ZNF25: variants seen among roughly 807,000 people sequenced by gnomAD.
ZNF25 encodes zinc finger protein 25 (KOX 19).
ZNF25 carries 21 observed loss-of-function variants against 30.9 expected under a neutral mutation model. The observed-to-expected ratio is 0.68, with a 90% confidence interval of 0.48 to 0.98. The LOEUF is 0.98. ZNF25 is among the 50% of genes least tolerant of loss of function. The probability of loss-of-function intolerance (pLI) is 0.00; values close to 1 mark genes in which losing one functional copy is unlikely to be tolerated. For synonymous variants in ZNF25, 169 were observed against 181.3 expected, an observed-to-expected ratio of 0.93 and a Z score of 0.55; for missense variants, 501 against 529.9, an observed-to-expected ratio of 0.95 and a Z score of 0.54.
chr10:37,955,655 CTGT>C (rs2062469456), intron 4 of ZNF25, among the ~76,000 whole-genome samples: 1 of 152,054 alleles, frequency 6.6e-6, no homozygotes, highest in Non-Finnish European at 1.5e-5. Flanking sequence ...TAGAAAGTGT[CTGT>C]TGTTAATTAT....
intron 2 of ZNF25, among the ~76,000 whole-genome samples, chr10:37,968,357 ATTT>A (rs34698067): frequency 7.2e-6 from 1 of 139,756 alleles, no homozygotes; most frequent in Non-Finnish European, 1.6e-5. Flanking sequence ...CACCCGGCCA[ATTT>A]TTTTTTTTTT....
intron 2 of ZNF25, among the ~76,000 whole-genome samples, chr10:37,963,491 A>C (rs1201208111): frequency 6.6e-6 from 1 of 152,154 alleles, no homozygotes; most frequent in East Asian, 1.9e-4. Flanking sequence ...CTTTTTTCTT[A>C]CTGGCCTACT....
chr10:37,971,315 CAA>C lies in ZNF25; in HGVS notation c.15+391_15+392del, dbSNP rs35376573. On this transcript the variant is annotated intron_variant, in intron 2 of 5. Transcript: ENST00000302609. ...TGGGCAACAGAGCGAGACTCCATCT[CAA>C]AAAAAAAAAAAAAAATTCACATTTG... Among the ~76,000 whole-genome samples, 460 of 133,428 alleles carry C rather than the reference CAA, an allele frequency of 3.4e-3. 10 individuals carry two copies. The highest frequency in any genetic ancestry group is 3.9e-3 in the Middle Eastern group (1 of 254). The allele number at this position is 133,428 out of a possible 152,430, so 87.5% of individuals were successfully genotyped here.
At chr10:37,969,700 C>A (rs1389168572) in intron 2 of ZNF25, among the ~76,000 whole-genome samples, 1 of 152,140 alleles carries the variant, frequency 6.6e-6, no homozygotes, top group African/African-American at 2.4e-5. Flanking sequence ...GGTGGTGTTA[C>A]ACAATACTGT....
At chr10:37,971,432 G>A (rs1415713782) in intron 2 of ZNF25, among the ~76,000 whole-genome samples, 1 of 152,054 alleles carries the variant, frequency 6.6e-6, no homozygotes, top group East Asian at 1.9e-4. Flanking sequence ...TATCAACAGT[G>A]TAAAAGGCAA....
chr10:37,974,707 T>G (rs755469287), intron 1 of ZNF25, among the ~76,000 whole-genome samples: 13 of 152,156 alleles, frequency 8.5e-5, no homozygotes, highest in African/African-American at 1.2e-4. Context: ...GTATGGAGGT[T>G]CCTCAAAAAA....
Position 37,952,222 on chromosome 10 carries a change from A to G in ZNF25, c.1276T>C (p.Tyr426His), listed in dbSNP as rs376274756. 7 of 1,614,062 alleles carry G rather than the reference A, an allele frequency of 4.3e-6. No homozygotes were observed. The highest frequency in any genetic ancestry group is 5.9e-6 in the Non-Finnish European group (7 of 1,179,958). The change falls in exon 6 of 6, where the codon TAT (tyrosine) becomes CAT (histidine). Residue 426 changes from tyrosine (Y) to histidine (H), a missense_variant. Physicochemically the swap from Tyr to His is moderately conservative, Grantham distance 83 (BLOSUM62 2). Coordinates refer to ENST00000302609, the MANE Select transcript of ZNF25 (RefSeq NM_145011.4). ...GTTTCCCCACACTCCTGACACTCAT[A>G]GGGCTTCTCCCCTGTGTGTTTTCTC... ...HQRKHTGEKP[Y>H]ECQECGETFI...
chr10:37,964,606 A>G (rs2135395146), intron 2 of ZNF25, among the ~76,000 whole-genome samples: 1 of 152,320 alleles, frequency 6.6e-6, no homozygotes. Flanking sequence ...AGAAATTTCT[A>G]AGCAGCAAAG....
rs1431417863 is a variant in ZNF25, at chr10:37,951,556, T to A, written c.*571A>T. The A allele has an allele frequency of 1.3e-5, 2 of 152,274 alleles. No homozygotes were observed. The highest frequency in any genetic ancestry group is 2.9e-5 in the Non-Finnish European group (2 of 68,064). 9.4% of individuals were successfully genotyped at this position (152,274 alleles called of 1,614,324 possible). ...TTTCCCTCAGTACAAATTATTTGAATTTTTATTGAACACCTTCCAAATATT... is the reference window on the plus strand; with the variant it reads ...TTTCCCTCAGTACAAATTATTTGAAATTTTATTGAACACCTTCCAAATATT... On this transcript the variant is annotated 3_prime_UTR_variant, in exon 6 of 6. Transcript: ENST00000302609.
chr10:37,975,508 G>A (rs2063758719), intron 1 of ZNF25, among the ~76,000 whole-genome samples: 1 of 152,094 alleles, frequency 6.6e-6, no homozygotes, highest in African/African-American at 2.4e-5. Context: ...TAAAATGGAG[G>A]AACTGATGAA....
rs2062165014 is a variant in ZNF25 at position 37,952,001 on chromosome 10, C to A, written c.*126G>T. 2.5e-6 allele frequency: 2 copies of A among 804,102 alleles called. No homozygotes were observed. Among genetic ancestry groups the A allele is most frequent in the Admixed American group, 3.2e-5 (1 of 31,030 alleles). 49.8% of individuals were successfully genotyped at this position (804,102 alleles called of 1,614,324 possible). ...ATCTCTCTATGTATTTGCTGATACA[C>A]AGAGAGAGCAAAGATTGTAGCTGAA... On this transcript the variant is annotated 3_prime_UTR_variant, in exon 6 of 6. Transcript: ENST00000302609.
chr10:37,971,630 A>G, intron 2 of ZNF25, 78 bp downstream of exon 2: 1 of 1,388,712 alleles, frequency 7.2e-7, no homozygotes, highest in Non-Finnish European at 9.9e-7. Context: ...AAACTCATTA[A>G]ACACACACAC....
Position 37,952,951 on chromosome 10 carries a change from A to G in ZNF25, c.547T>C (p.Phe183Leu). The change falls in exon 6 of 6, where the codon TTT becomes CTT. Residue 183 changes from phenylalanine to leucine, a missense_variant. Transcript: ENST00000302609. ...TYECKECKKI[F>L]YHLSSLSRHL... Reference sequence around the variant, plus strand: ...CTACTGAGAGATGATAGGTGGTAAAATATTTTCTTACATTCTTTACACTCA... The same window carrying G: ...CTACTGAGAGATGATAGGTGGTAAAGTATTTTCTTACATTCTTTACACTCA... The G allele has an allele frequency of 6.2e-7, 1 of 1,614,126 alleles. No homozygotes were observed.
Position 37,957,498 on chromosome 10 carries a change from A to T in ZNF25, c.64T>A (p.Trp22Arg). The change falls in exon 3 of 6, where the codon TGG becomes AGG. Residue 22 changes from tryptophan to arginine, a missense_variant. Coordinates refer to ENST00000302609, the MANE Select transcript of ZNF25 (RefSeq NM_145011.4). ...DVIVEFTKEEWKLLTPAQRTL... is the reference protein window; with the variant it reads ...DVIVEFTKEERKLLTPAQRTL... ...CTCTGAGCAGGGGTCAGTAACTTCCATTCTTCCTTGGTGAATTCCACAATA... is the reference window on the plus strand; with the variant it reads ...CTCTGAGCAGGGGTCAGTAACTTCCTTTCTTCCTTGGTGAATTCCACAATA... 1 of 1,613,934 alleles carries T rather than the reference A, an allele frequency of 6.2e-7. No individual in the cohort carries two copies. Among genetic ancestry groups the T allele is most frequent in the Admixed American group, 1.7e-5 (1 of 60,004 alleles).
intron 2 of ZNF25, among the ~76,000 whole-genome samples, chr10:37,968,260 A>G (rs2063297236): frequency 6.6e-6 from 1 of 151,630 alleles, no homozygotes. Flanking sequence ...GTTTCACCGT[A>G]TTGGCCAGGC....
At chr10:37,965,965 A>C (rs2063157166) in intron 2 of ZNF25, among the ~76,000 whole-genome samples, 1 of 152,220 alleles carries the variant, frequency 6.6e-6, no homozygotes, top group South Asian at 2.1e-4. Flanking sequence ...CCAGATTGTT[A>C]AAAATTAGAA....
intron 4 of ZNF25, 82 bp downstream of exon 4, chr10:37,956,938 A>AG: frequency 9.9e-6 from 7 of 706,282 alleles, no homozygotes; most frequent in South Asian, 9.0e-5. Context: ...AAAAAAAGTG[A>AG]GAGATTGCCG....
chr10:37,971,832 T>A (rs2063509442), intron 1 of ZNF25, 25 bp from the exon 2 acceptor site: 1 of 1,458,530 alleles, frequency 6.9e-7, no homozygotes, highest in African/African-American at 1.4e-5. Flanking sequence ...CATACAACAT[T>A]TTAGTAAAAT....
intron 2 of ZNF25, among the ~76,000 whole-genome samples, chr10:37,957,752 C>CT (rs2135331139): frequency 6.6e-6 from 1 of 152,226 alleles, no homozygotes; most frequent in South Asian, 2.1e-4. Context: ...GCCTGGAACT[C>CT]TGCTGAAGAT....
Sources: gnomAD v4.1 joint callset for allele counts (sites outside exome capture counted in the v4.1 genomes callset) on GRCh38, gnomAD v4.1.1 for gene constraint, MANE v1.5 for transcripts, NCBI Gene and HGNC (gene_info 2026-07-23, HGNC 2026-07-21) for gene names.